The following DNAH6 variants were observed in gnomAD, a reference collection of about 807,000 sequenced individuals.
The protein encoded by DNAH6 is axonemal beta dynein heavy chain 6.
DNAH6 carries 340 observed loss-of-function variants against 491.4 expected under a neutral mutation model. The ratio of observed to expected loss-of-function variants is 0.69; its 90% CI spans 0.63 to 0.76. DNAH6 has a LOEUF of 0.76. Among genes scored for constraint, DNAH6 ranks in the 30% least tolerant of loss-of-function variants. The probability of loss-of-function intolerance (pLI) is 0.00; values close to 1 mark genes in which losing one functional copy is unlikely to be tolerated. For missense variants in DNAH6, 4,443 were observed against 4,972.2 expected (o/e 0.89, Z 3.20); for synonymous variants, 1,603 against 1,686.1 (o/e 0.95, Z 1.21).
chr2:84,654,683 C>G lies in DNAH6; in HGVS notation c.5658C>G (p.Ser1886=). 4.5e-6 allele frequency: 7 copies of G among 1,550,886 alleles called. No homozygotes were observed. Among genetic ancestry groups the G allele is most frequent in the African/African-American group, 1.4e-5 (1 of 73,058 alleles). Reference sequence around the variant, plus strand: ...AGGTGCAAGATCTGCGGGTTGCCTCCCCTGCAACAGTCAGTCGATGTGGAA... The same window carrying G: ...AGGTGCAAGATCTGCGGGTTGCCTCGCCTGCAACAGTCAGTCGATGTGGAA... The part of the protein sequence containing the change: ...LFEVQDLRVA[S]PATVSRCGMV... Residue 1886 remains serine, a synonymous_variant, in exon 35 of 77, where the codon TCC becomes TCG. Transcript: ENST00000389394.
intron 31 of DNAH6, among the ~76,000 whole-genome samples, chr2:84,638,755 T>C (rs1318964537): frequency 1.3e-5 from 2 of 152,158 alleles, no homozygotes; most frequent in Non-Finnish European, 2.9e-5. Context: ...AGAGGTTTAA[T>C]TGGCTCATGG....
rs968011900 is a variant in DNAH6, at chr2:84,528,913, C to T, written c.409C>T (p.Pro137Ser). The T allele has an allele frequency of 3.9e-6, 6 of 1,547,498 alleles. No homozygotes were observed. The highest frequency in any genetic ancestry group is 1.4e-5 in the African/African-American group (1 of 72,198). Residue 137 changes from proline (P) to serine (S), a missense_variant, in exon 4 of 77, where the codon CCC (proline) becomes TCC (serine). Coordinates refer to ENST00000389394, the MANE Select transcript of DNAH6 (RefSeq NM_001370.2). Reference protein sequence around the residue: ...DAVKKMQIHRPYVEVFSPSPP... With the variant: ...DAVKKMQIHRSYVEVFSPSPP... Reference sequence around the variant, plus strand: ...AATTGGCTTTGTTTAGATTCATCGGCCCTATGTTGAGGTGTTCTCTCCCTC... The same window carrying T: ...AATTGGCTTTGTTTAGATTCATCGGTCCTATGTTGAGGTGTTCTCTCCCTC...
rs1693778638 is a variant in DNAH6 at position 84,681,587 on chromosome 2, C to A, written c.6916+59C>A. On this transcript the variant is annotated intron_variant, in intron 42 of 76. Transcript: ENST00000389394. ...CCCTCCCTACTTTTCCATTGGCCCC[C>A]AAATATCTCAGTAACATTGTATGTA... 17 of 1,396,632 alleles carry A rather than the reference C, an allele frequency of 1.2e-5. No homozygotes were observed. In the South Asian group the frequency reaches 2.5e-4, roughly 21 times the overall value. The allele number at this position is 1,396,632 out of a possible 1,614,324, so 86.5% of individuals were successfully genotyped here.
At chr2:84,709,275 A>G in intron 54 of DNAH6, 68 bp from the exon 55 acceptor site, 3 of 1,495,186 alleles carry the variant, frequency 2.0e-6, no homozygotes, top group Non-Finnish European at 1.8e-6. Context: ...TGCCCACCAC[A>G]TTTTGCATGT....
chr2:84,548,042 T>C (rs928581168), intron 7 of DNAH6, among the ~76,000 whole-genome samples: 5 of 152,188 alleles, frequency 3.3e-5, no homozygotes, highest in Admixed American at 2.0e-4. Context: ...AGGAAAGAGG[T>C]AGCATAATAT....
At chr2:84,804,707 A>C (rs1012522266) in intron 70 of DNAH6, among the ~76,000 whole-genome samples, 10 of 152,202 alleles carry the variant, frequency 6.6e-5, no homozygotes, top group African/African-American at 2.2e-4. Flanking sequence ...TCAACTTAAA[A>C]ATGTTTAACC....
intron 2 of DNAH6, among the ~76,000 whole-genome samples, chr2:84,521,215 T>G (rs1344001455): frequency 6.6e-6 from 1 of 152,118 alleles, no homozygotes; most frequent in African/African-American, 2.4e-5. Context: ...TGCGTTTCTC[T>G]AATGACCAGT....
At chr2:84,564,595 C>A (rs556708637) in intron 11 of DNAH6, among the ~76,000 whole-genome samples, 20 of 152,174 alleles carry the variant, frequency 1.3e-4, no homozygotes, top group African/African-American at 4.6e-4. Flanking sequence ...TTGGCAGAGT[C>A]TTTAGGGGTT....
At chr2:84,728,059 C>T (rs1463862165) in intron 61 of DNAH6, among the ~76,000 whole-genome samples, 157 bp downstream of exon 61, 6 of 152,140 alleles carry the variant, frequency 3.9e-5, no homozygotes, top group Non-Finnish European at 5.9e-5. Flanking sequence ...ATACTGTTCT[C>T]GTGGTAGTGA....
the DNAH6 span, among the ~76,000 whole-genome samples, chr2:84,498,553 A>G: frequency 6.6e-6 from 1 of 152,128 alleles, no homozygotes; most frequent in Admixed American, 6.5e-5. Flanking sequence ...TGAGTAATTT[A>G]GTGAGGTTGT....
the DNAH6 span, among the ~76,000 whole-genome samples, chr2:84,475,201 T>C: frequency 1.3e-5 from 2 of 152,180 alleles, no homozygotes; most frequent in Non-Finnish European, 2.9e-5. Context: ...GGACCTTTTT[T>C]GGTGGCTCCC....
chr2:84,590,749 C>T (rs536968032), intron 16 of DNAH6, among the ~76,000 whole-genome samples: 1 of 152,212 alleles, frequency 6.6e-6, no homozygotes, highest in Admixed American at 6.5e-5. Flanking sequence ...TTCCTAACAC[C>T]CTTTCACTAT....
rs77688496 is a variant in DNAH6 at position 84,741,426 on chromosome 2, C to T, written c.10343-3654C>T. Among the ~76,000 whole-genome samples, 596 of 152,162 alleles carry T rather than the reference C, an allele frequency of 3.9e-3. 3 individuals are homozygous for T. The highest frequency in any genetic ancestry group is 0.013 in the African/African-American group (557 of 41,530). On this transcript the variant is annotated intron_variant, in intron 62 of 76. Coordinates refer to ENST00000389394, the MANE Select transcript of DNAH6 (RefSeq NM_001370.2). ...GGTATGAGTAGGATGACCTGGTCTC[C>T]CTGTTCTTCCTTAGCCAAGCAGAGG... is the stretch of plus-strand genomic sequence containing the variant.
the DNAH6 span, among the ~76,000 whole-genome samples, chr2:84,465,956 T>A: frequency 6.6e-6 from 1 of 152,236 alleles, no homozygotes; most frequent in East Asian, 1.9e-4. Context: ...TTATTTTTCA[T>A]GTAAGCTCTT....
intron 45 of DNAH6, among the ~76,000 whole-genome samples, chr2:84,690,540 C>T (rs755287450): frequency 6.6e-6 from 1 of 152,184 alleles, no homozygotes; most frequent in African/African-American, 2.4e-5. Flanking sequence ...GCAAAGTTGG[C>T]TTAATTCTAT....
At chr2:84,595,906 A>G (rs1365660319) in intron 18 of DNAH6, 117 bp downstream of exon 18, 2 of 1,126,734 alleles carry the variant, frequency 1.8e-6, no homozygotes, top group Non-Finnish European at 2.4e-6. Context: ...GCAGACAGAA[A>G]AAACAATAGT....
Position 84,573,539 on chromosome 2 carries a change from A to T in DNAH6, c.1876A>T (p.Lys626Ter). Residue 626 changes from lysine to a stop codon, truncating the protein, a stop_gained, in exon 12 of 77, where the codon AAG becomes TAG. Transcript: ENST00000389394. LOFTEE classifies it high-confidence loss of function. ...CTTTGAAAAGTTCCAGATATTCTTCAAGGAAAATGAAAGTCTTGATTTACA... is the reference window on the plus strand; with the variant it reads ...CTTTGAAAAGTTCCAGATATTCTTCTAGGAAAATGAAAGTCTTGATTTACA... Reference protein sequence around the residue: ...ATFEKFQIFFKENESLDLQAL... With the variant: ...ATFEKFQIFF 2 of 1,591,610 alleles carry T rather than the reference A, an allele frequency of 1.3e-6. No individual in the cohort carries two copies. The highest frequency in any genetic ancestry group is 2.3e-5 in the South Asian group (2 of 86,168).
At chr2:84,554,839 AAAAG>A (rs1198141577) in intron 10 of DNAH6, among the ~76,000 whole-genome samples, 17 of 152,324 alleles carry the variant, frequency 1.1e-4, no homozygotes, top group African/African-American at 3.6e-4. Context: ...TGCAGATGAC[AAAAG>A]GAGGCTCTGT....
At chr2:84,637,470 G>C (rs1573314294) in intron 31 of DNAH6, 93 bp downstream of exon 31, 1 of 1,312,644 alleles carries the variant, frequency 7.6e-7, no homozygotes, top group Non-Finnish European at 1.0e-6. Flanking sequence ...CTTTATGAAT[G>C]CCCCTATTAA....
Sources: gnomAD v4.1 joint callset for allele counts (sites outside exome capture counted in the v4.1 genomes callset) on GRCh38, gnomAD v4.1.1 for gene constraint, MANE v1.5 for transcripts, NCBI Gene and HGNC (gene_info 2026-07-23, HGNC 2026-07-21) for gene names.